The following GRID2 variants were observed in gnomAD, a reference collection of about 807,000 sequenced individuals.
GRID2 encodes glutamate ionotropic receptor delta type subunit 2.
In GRID2, 33 loss-of-function variants were observed where a neutral mutation model predicts 114.8. The observed-to-expected ratio is 0.29, with a 90% CI of 0.22 to 0.38. The LOEUF (loss-of-function observed/expected upper bound fraction) is 0.38. Ranked by LOEUF, GRID2 falls within the 10% of genes least tolerant of loss-of-function variation. The pLI is 1.00. For missense variants in GRID2, 1,184 were observed against 1,257.7 expected, an observed-to-expected ratio of 0.94 and a Z score of 0.89; for synonymous variants, 505 against 449.9, an observed-to-expected ratio of 1.12 and a Z score of -1.55.
chr4:92,990,577 A>C (rs1754833171), intron 2 of GRID2, among the ~76,000 whole-genome samples: 1 of 151,958 alleles, frequency 6.6e-6, no homozygotes, highest in East Asian at 1.9e-4. Context: ...AGCTTCCCAA[A>C]GTGCTGGGAT....
intron 1 of GRID2, among the ~76,000 whole-genome samples, chr4:92,336,466 G>A (rs921051427): frequency 4.6e-5 from 7 of 152,130 alleles, no homozygotes; most frequent in African/African-American, 9.6e-5. Context: ...AGAAGCAATC[G>A]TTCCTCCACA....
intron 13 of GRID2, among the ~76,000 whole-genome samples, chr4:93,582,451 A>T (rs534259963): frequency 3.9e-5 from 6 of 152,158 alleles, no homozygotes; most frequent in Admixed American, 2.0e-4. Flanking sequence ...ATTGGAAGGT[A>T]GACATATTGG....
At chr4:93,406,223 C>G (rs1459094548) in intron 9 of GRID2, among the ~76,000 whole-genome samples, 1 of 152,068 alleles carries the variant, frequency 6.6e-6, no homozygotes, top group Non-Finnish European at 1.5e-5. Flanking sequence ...CCTTTTCAGA[C>G]ATTAGTCAAT....
At chr4:93,417,390 C>T (rs1396651700) in intron 9 of GRID2, among the ~76,000 whole-genome samples, 1 of 152,078 alleles carries the variant, frequency 6.6e-6, no homozygotes, top group Non-Finnish European at 1.5e-5. Context: ...TATCTGTTTG[C>T]AGTTTACATA....
At chr4:93,489,204 G>A (rs1726730902) in intron 11 of GRID2, among the ~76,000 whole-genome samples, 1 of 151,928 alleles carries the variant, frequency 6.6e-6, no homozygotes, top group South Asian at 2.1e-4. Flanking sequence ...ATAAAAGATT[G>A]TTATAAAAAG....
intron 8 of GRID2, among the ~76,000 whole-genome samples, chr4:93,375,159 C>G (rs1018826441): frequency 1.3e-5 from 2 of 151,760 alleles, no homozygotes; most frequent in African/African-American, 4.8e-5. Context: ...CAAACATACT[C>G]TAAGCTGCCA....
At position 93,683,118 on chromosome 4, in the gene GRID2, A is replaced by G. The variant is rs1048054401; in HGVS notation, c.2360+56683A>G. 6.6e-5 allele frequency among the ~76,000 whole-genome samples: 10 copies of G among 151,574 alleles called. No individual in the cohort carries two copies. The East Asian group carries it at 9.7e-4, about 15-fold the overall frequency. On this transcript the variant is annotated intron_variant, in intron 14 of 15. Coordinates refer to ENST00000282020, the MANE Select transcript of GRID2 (RefSeq NM_001510.4). ...TTTTTAAGATGTTACCTTTGGGGGG[A>G]AAAAAAGCTCTCTATTTGCCATTCT...
chr4:93,349,911 G>A (rs1171950459), intron 8 of GRID2, among the ~76,000 whole-genome samples: 10 of 152,054 alleles, frequency 6.6e-5, no homozygotes, highest in African/African-American at 2.4e-4. Context: ...AATAATATGT[G>A]TGGGATGGGG....
At chr4:92,433,700 C>G (rs1180001469) in intron 1 of GRID2, among the ~76,000 whole-genome samples, 1 of 152,160 alleles carries the variant, frequency 6.6e-6, no homozygotes, top group Admixed American at 6.5e-5. Flanking sequence ...TGATTGATCA[C>G]CTGATTTTTG....
chr4:93,483,185 G>C (rs138607777), intron 11 of GRID2, among the ~76,000 whole-genome samples: 1 of 151,926 alleles, frequency 6.6e-6, no homozygotes, highest in East Asian at 1.9e-4. Context: ...TTGTGATTCT[G>C]TAAGTGTAAA....
At chr4:93,453,482 T>G (rs1722911849) in intron 10 of GRID2, among the ~76,000 whole-genome samples, 1 of 152,060 alleles carries the variant, frequency 6.6e-6, no homozygotes, top group Non-Finnish European at 1.5e-5. Flanking sequence ...ATTTAGGAAT[T>G]TGTTTATAGA....
intron 8 of GRID2, among the ~76,000 whole-genome samples, chr4:93,335,694 C>CTTTTTTTTTTTTT (rs55823712): frequency 1.4e-5 from 2 of 141,752 alleles, no homozygotes; most frequent in African/African-American, 2.7e-5. Context: ...TTTCTTCTTT[C>CTTTTTTTTTTTTT]TTTTTTTTTT....
At chr4:92,590,324 A>T in intron 2 of GRID2, 38 bp downstream of exon 2, 2 of 1,458,088 alleles carry the variant, frequency 1.4e-6, no homozygotes, top group Non-Finnish European at 1.9e-6. Context: ...TTTTGGTTCA[A>T]TTCAAGTGGC....
exon 2 of GRID2, chr4:93,808,037 A>C (rs1735065866): frequency 6.6e-6 from 1 of 152,126 alleles, no homozygotes; most frequent in Admixed American, 6.6e-5. Context: ...AGCAACCTAA[A>C]AGATTAAAGC....
intron 4 of GRID2, among the ~76,000 whole-genome samples, chr4:93,152,760 G>T (rs1736846540): frequency 6.6e-6 from 1 of 152,090 alleles, no homozygotes; most frequent in Admixed American, 6.6e-5. Flanking sequence ...CAGATGTTTA[G>T]GAAATGTTTT....
chr4:93,221,554 T>G (rs1360370596), intron 6 of GRID2, among the ~76,000 whole-genome samples: 1 of 152,006 alleles, frequency 6.6e-6, no homozygotes, highest in Non-Finnish European at 1.5e-5. Context: ...GAAGTGAAGA[T>G]CATCTGTACA....
At chr4:92,305,528 G>A (rs1421131158) in intron 1 of GRID2, among the ~76,000 whole-genome samples, 1 of 152,094 alleles carries the variant, frequency 6.6e-6, no homozygotes, top group African/African-American at 2.4e-5. Flanking sequence ...GCCTTGCCTC[G>A]CCTCGCCTCG....
intron 12 of GRID2, among the ~76,000 whole-genome samples, chr4:93,508,710 G>A (rs1000019692): frequency 1.3e-5 from 2 of 152,114 alleles, no homozygotes; most frequent in East Asian, 1.9e-4. Flanking sequence ...GGCTAGATCT[G>A]GATTTCAAAG....
chr4:92,594,667 T>G (rs956286520), intron 2 of GRID2, among the ~76,000 whole-genome samples: 2 of 151,992 alleles, frequency 1.3e-5, no homozygotes, highest in African/African-American at 4.8e-5. Context: ...CCAATAGAAT[T>G]CAAAGGATCT....
Sources: gnomAD v4.1 joint callset for allele counts (sites outside exome capture counted in the v4.1 genomes callset) on GRCh38, gnomAD v4.1.1 for gene constraint, MANE v1.5 for transcripts, NCBI Gene and HGNC (gene_info 2026-07-23, HGNC 2026-07-21) for gene names.